XYLT1: variants seen among roughly 807,000 people sequenced by gnomAD.
The protein encoded by XYLT1 is beta-D-xylosyltransferase 1.
A neutral mutation model predicts 91.3 loss-of-function variants in XYLT1; 36 were observed. The observed-to-expected ratio is 0.39, with a 90% CI of 0.30 to 0.52. The LOEUF is 0.52. Ranked by LOEUF, XYLT1 falls within the 20% of genes least tolerant of loss-of-function variation. XYLT1 has a pLI of 0.68. For synonymous variants in XYLT1, 588 were observed against 532.0 expected (o/e 1.11, Z -1.45); for missense variants, 1,242 against 1,284.5 (o/e 0.97, Z 0.51).
chr16:17,201,517 C>T (rs2032541317), intron 3 of XYLT1, among the ~76,000 whole-genome samples: 1 of 151,164 alleles, frequency 6.6e-6, no homozygotes, highest in South Asian at 2.1e-4. Flanking sequence ...CTCTGTTGCC[C>T]AGGCTGCAGT....
At chr16:17,225,788 T>A (rs1196126057) in intron 3 of XYLT1, among the ~76,000 whole-genome samples, 2 of 152,144 alleles carry the variant, frequency 1.3e-5, no homozygotes, top group African/African-American at 4.8e-5. Flanking sequence ...CCATGAATCA[T>A]AAATAATGTA....
rs964560690 is a variant in XYLT1 at position 17,252,657 on chromosome 16, G to A, written c.913+6331C>T. Among the ~76,000 whole-genome samples the A allele has an allele frequency of 3.3e-5, 5 of 152,198 alleles. 1 individual carries two copies. The highest frequency in any genetic ancestry group is 7.2e-5 in the African/African-American group (3 of 41,446). ...GAGAAAAGTCCCGAGAGCAAGGAAT[G>A]TCTCACAGAAAGCAAACCATCTCCT... On this transcript the variant is annotated intron_variant, in intron 3 of 11. Coordinates refer to ENST00000261381, the MANE Select transcript of XYLT1 (RefSeq NM_022166.4).
At chr16:17,251,594 GAC>G (rs1201178964) in intron 3 of XYLT1, among the ~76,000 whole-genome samples, 20 of 152,200 alleles carry the variant, frequency 1.3e-4, no homozygotes, top group African/African-American at 4.6e-4. Flanking sequence ...TTTAACTCAA[GAC>G]ACAGAGAGGC....
chr16:17,223,931 C>A (rs2033017779), intron 3 of XYLT1, among the ~76,000 whole-genome samples: 1 of 152,226 alleles, frequency 6.6e-6, no homozygotes, highest in Non-Finnish European at 1.5e-5. Context: ...TCAACGCAAA[C>A]AAACATTGCT....
intron 3 of XYLT1, among the ~76,000 whole-genome samples, chr16:17,239,984 G>C (rs188950660): frequency 6.4e-4 from 97 of 152,082 alleles, no homozygotes; most frequent in African/African-American, 2.3e-3. Flanking sequence ...TGTAAGTAGT[G>C]AAAAAAAATA....
chr16:17,169,472 C>A (rs566797516), intron 5 of XYLT1, among the ~76,000 whole-genome samples: 1 of 152,298 alleles, frequency 6.6e-6, no homozygotes, highest in South Asian at 2.1e-4. Context: ...TCATTTTAAA[C>A]ATACATATGC....
chr16:17,203,867 T>C (rs2032589445), intron 3 of XYLT1, among the ~76,000 whole-genome samples: 1 of 152,266 alleles, frequency 6.6e-6, no homozygotes, highest in Admixed American at 6.5e-5. Context: ...TGCTTTTCCC[T>C]GTAGCCATGA....
intron 3 of XYLT1, among the ~76,000 whole-genome samples, chr16:17,214,983 C>T (rs939208621): frequency 2.0e-5 from 3 of 152,098 alleles, no homozygotes; most frequent in Non-Finnish European, 4.4e-5. Context: ...AATCGTGTCC[C>T]CCGAAAATTA....
rs181243987 is a variant in XYLT1 at position 17,469,775 on chromosome 16, G to C, written c.363+659C>G. Among the ~76,000 whole-genome samples the C allele has an allele frequency of 8.1e-3, 1,227 of 152,310 alleles. 12 individuals carry two copies. Among genetic ancestry groups the C allele is most frequent in the Non-Finnish European group, 0.012 (790 of 68,024 alleles). On this transcript the variant is annotated intron_variant, in intron 1 of 11. Transcript: ENST00000261381. ...GAGCCATGCCCTGAAACTGGAGATG[G>C]GGAGGAGATAAAGTCACAGAGGGCA...
intron 2 of XYLT1, among the ~76,000 whole-genome samples, chr16:17,310,017 C>A (rs1163575626): frequency 6.6e-6 from 1 of 152,186 alleles, no homozygotes; most frequent in Non-Finnish European, 1.5e-5. Context: ...GGGAACACAT[C>A]ATCCCTGTAA....
At chr16:17,217,436 G>C (rs1014708279) in intron 3 of XYLT1, among the ~76,000 whole-genome samples, 2 of 152,138 alleles carry the variant, frequency 1.3e-5, no homozygotes, top group Admixed American at 1.3e-4. Context: ...TGAACATTTT[G>C]CAAATAGTTT....
At chr16:17,350,936 A>G (rs1478624224) in intron 2 of XYLT1, among the ~76,000 whole-genome samples, 1 of 152,174 alleles carries the variant, frequency 6.6e-6, no homozygotes, top group African/African-American at 2.4e-5. Context: ...AAATATCAAG[A>G]TATTTGAAAG....
intron 1 of XYLT1, among the ~76,000 whole-genome samples, chr16:17,361,506 G>A (rs1032442767): frequency 6.6e-6 from 1 of 152,166 alleles, no homozygotes; most frequent in Admixed American, 6.5e-5. Context: ...AATAATACAT[G>A]CTCTTTCTCT....
At chr16:17,226,268 A>C (rs888529973) in intron 3 of XYLT1, among the ~76,000 whole-genome samples, 1 of 152,240 alleles carries the variant, frequency 6.6e-6, no homozygotes, top group Non-Finnish European at 1.5e-5. Context: ...ATGAAACACC[A>C]GCAGCAGTTA....
intron 1 of XYLT1, among the ~76,000 whole-genome samples, chr16:17,432,357 C>T (rs2141933172): frequency 6.6e-6 from 1 of 152,098 alleles, no homozygotes; most frequent in Non-Finnish European, 1.5e-5. Flanking sequence ...AATAACATGC[C>T]GTATATCCTT....
intron 1 of XYLT1, among the ~76,000 whole-genome samples, chr16:17,439,872 C>G (rs2036510876): frequency 6.6e-6 from 1 of 152,202 alleles, no homozygotes; most frequent in South Asian, 2.1e-4. Flanking sequence ...CCCACTCCCA[C>G]CCAAATCCAT....
At chr16:17,168,355 C>A (rs868179746) in intron 5 of XYLT1, among the ~76,000 whole-genome samples, 1 of 152,152 alleles carries the variant, frequency 6.6e-6, no homozygotes, top group Non-Finnish European at 1.5e-5. Context: ...AAGCTAAATA[C>A]CACATGTTCT....
intron 1 of XYLT1, among the ~76,000 whole-genome samples, chr16:17,360,028 T>A (rs1037738593): frequency 1.4e-4 from 21 of 152,180 alleles, no homozygotes; most frequent in African/African-American, 4.8e-4. Flanking sequence ...CATCTGCTGT[T>A]CAGGTCAGAG....
At chr16:17,371,099 A>C (rs1567397207) in intron 1 of XYLT1, among the ~76,000 whole-genome samples, 1 of 152,232 alleles carries the variant, frequency 6.6e-6, no homozygotes. Flanking sequence ...ACGTGGCTGC[A>C]AAGTCCAAGA....
Sources: gnomAD v4.1 joint callset for allele counts (sites outside exome capture counted in the v4.1 genomes callset) on GRCh38, gnomAD v4.1.1 for gene constraint, MANE v1.5 for transcripts, NCBI Gene and HGNC (gene_info 2026-07-23, HGNC 2026-07-21) for gene names.